The following TPST2 variants were observed in gnomAD, a reference collection of about 807,000 sequenced individuals.
TPST2 encodes protein-tyrosine sulfotransferase 2.
Under a neutral mutation model 27.8 loss-of-function variants are expected in TPST2, and 16 were observed. That is an observed-to-expected ratio of 0.58 (90% confidence interval 0.39 to 0.88). The LOEUF is 0.88. Among genes scored for constraint, TPST2 ranks in the 40% least tolerant of loss-of-function variants. The pLI is 0.00. For synonymous variants in TPST2, 229 were observed against 231.7 expected, an observed-to-expected ratio of 0.99 and a Z score of 0.10; for missense variants, 464 against 543.1, an observed-to-expected ratio of 0.85 and a Z score of 1.45.
intron 1 of TPST2, among the ~76,000 whole-genome samples, chr22:26,562,988 G>A (rs1338001161): frequency 2.0e-5 from 3 of 152,128 alleles, no homozygotes; most frequent in Admixed American, 6.6e-5. Flanking sequence ...TAGAGCCCAC[G>A]GATGCTGCTA....
At chr22:26,544,808 G>T in intron 1 of TPST2, 133 bp from the exon 2 acceptor site, 1 of 289,588 alleles carries the variant, frequency 3.5e-6, no homozygotes, top group Non-Finnish European at 5.2e-6. Flanking sequence ...ACTCTGGAAT[G>T]CAGGGGAGGC....
chr22:26,586,410 T>C (rs963978397), intron 1 of TPST2, among the ~76,000 whole-genome samples: 2 of 152,044 alleles, frequency 1.3e-5, no homozygotes, highest in African/African-American at 4.8e-5. Flanking sequence ...CCACCACGCC[T>C]GGCTAATTTT....
rs1925421604 is a variant in TPST2 at position 26,535,785 on chromosome 22, T to C, written c.1041+503A>G. On this transcript the variant is annotated intron_variant, in intron 4 of 6. Transcript: ENST00000338754. ...CAAGACCATGCCTCAAACAAAACAGTACAAAACAAAAAAGTCATTTCCCTT... is the reference window on the plus strand; with the variant it reads ...CAAGACCATGCCTCAAACAAAACAGCACAAAACAAAAAAGTCATTTCCCTT... 7 of 315,904 alleles carry C rather than the reference T, an allele frequency of 2.2e-5. 1 individual carries two copies. The highest frequency in any genetic ancestry group is 1.7e-4 in the South Asian group (6 of 36,352). 19.6% of individuals were successfully genotyped at this position (315,904 alleles called of 1,614,324 possible).
chr22:26,545,937 G>C (rs988033693), intron 1 of TPST2, among the ~76,000 whole-genome samples: 3 of 152,012 alleles, frequency 2.0e-5, no homozygotes, highest in African/African-American at 7.2e-5. Context: ...AAGTTATCCA[G>C]GTGATGGTAC....
intron 5 of TPST2, among the ~76,000 whole-genome samples, chr22:26,531,488 G>A (rs1408114005): frequency 6.6e-6 from 1 of 152,208 alleles, no homozygotes; most frequent in African/African-American, 2.4e-5. Flanking sequence ...AAGTGCATAC[G>A]CACTCCAGAG....
At chr22:26,536,112 C>T (rs577962777) in intron 4 of TPST2, 176 bp downstream of exon 4, 4 of 948,646 alleles carry the variant, frequency 4.2e-6, no homozygotes, top group East Asian at 5.3e-5. Context: ...TCCCTGCAGC[C>T]CAAGCAAAAT....
chr22:26,550,859 T>G (rs1434152793), intron 1 of TPST2, among the ~76,000 whole-genome samples: 1 of 152,160 alleles, frequency 6.6e-6, no homozygotes, highest in Non-Finnish European at 1.5e-5. Flanking sequence ...GCCCTCCAGA[T>G]TCCAATGGGG....
intron 1 of TPST2, among the ~76,000 whole-genome samples, chr22:26,563,624 C>T (rs902568586): frequency 6.6e-6 from 1 of 152,194 alleles, no homozygotes; most frequent in Non-Finnish European, 1.5e-5. Flanking sequence ...CCACCACGCC[C>T]GGCCCTCCCT....
intron 1 of TPST2, among the ~76,000 whole-genome samples, chr22:26,585,093 G>A (rs896440439): frequency 1.3e-5 from 2 of 152,186 alleles, no homozygotes; most frequent in Non-Finnish European, 2.9e-5. Context: ...GAAAACCAAA[G>A]CATAGAGAAA....
chr22:26,573,688 C>CT (rs926380735), intron 1 of TPST2, among the ~76,000 whole-genome samples: 17 of 151,554 alleles, frequency 1.1e-4, no homozygotes, highest in Admixed American at 5.9e-4. Context: ...TGGCCTCAAC[C>CT]TTTTTTTTTG....
At chr22:26,571,266 G>A (rs1392832994) in intron 1 of TPST2, among the ~76,000 whole-genome samples, 1 of 152,014 alleles carries the variant, frequency 6.6e-6, no homozygotes, top group Non-Finnish European at 1.5e-5. Context: ...CCCTGGCTGT[G>A]CCCGCTGCCC....
chr22:26,535,768 T>C, intron 4 of TPST2: 2 of 305,680 alleles, frequency 6.5e-6, no homozygotes, highest in Non-Finnish European at 1.3e-5. Flanking sequence ...AGCAAGACCA[T>C]GCCTCAAACA....
chr22:26,570,178 CCA>C (rs1311041150), intron 1 of TPST2, among the ~76,000 whole-genome samples: 3 of 152,068 alleles, frequency 2.0e-5, no homozygotes, highest in Non-Finnish European at 2.9e-5. Flanking sequence ...CCACTCCACC[CCA>C]CACACTTTTT....
intron 1 of TPST2, among the ~76,000 whole-genome samples, chr22:26,583,667 C>T (rs1321449006): frequency 6.6e-6 from 1 of 151,984 alleles, no homozygotes; most frequent in African/African-American, 2.4e-5. Context: ...TGGTGAAACC[C>T]TGTCTCTACT....
At chr22:26,564,538 T>C (rs1927290601) in intron 1 of TPST2, among the ~76,000 whole-genome samples, 2 of 152,110 alleles carry the variant, frequency 1.3e-5, no homozygotes, top group Non-Finnish European at 2.9e-5. Flanking sequence ...CCAACTTTGC[T>C]CTCACCAGTT....
At chr22:26,533,507 G>A (rs1039033254) in intron 4 of TPST2, among the ~76,000 whole-genome samples, 1 of 152,290 alleles carries the variant, frequency 6.6e-6, no homozygotes, top group East Asian at 1.9e-4. Context: ...AAAATAGGTA[G>A]GCTAAGCTCA....
At chr22:26,528,174 C>T (rs1054659903) in intron 6 of TPST2, 40 bp downstream of exon 6, 2 of 1,552,984 alleles carry the variant, frequency 1.3e-6, no homozygotes, top group Non-Finnish European at 1.7e-6. Context: ...CGGGGCCACC[C>T]AGAAGCAGCG....
intron 1 of TPST2, among the ~76,000 whole-genome samples, chr22:26,546,087 AAAAAG>A (rs1926107477): frequency 1.3e-5 from 2 of 152,056 alleles, no homozygotes; most frequent in East Asian, 2.0e-4. Context: ...AAAAAAAAAA[AAAAAG>A]AAAAAAAAAA....
At chr22:26,575,876 A>G (rs1164808362) in intron 1 of TPST2, among the ~76,000 whole-genome samples, 8 of 152,052 alleles carry the variant, frequency 5.3e-5, no homozygotes, top group Non-Finnish European at 1.0e-4. Context: ...TGTGCTTGTA[A>G]TCCCAGCTAC....
Sources: allele counts gnomAD v4.1 joint callset (sites outside exome capture counted in the v4.1 genomes callset), GRCh38; gene constraint gnomAD v4.1.1; transcripts MANE v1.5; gene names NCBI Gene and HGNC (gene_info 2026-07-23, HGNC 2026-07-21).